The following MTR variants were observed in gnomAD, a reference collection of about 807,000 sequenced individuals.
MTR encodes the protein methionine synthase.
A neutral mutation model predicts 154.8 loss-of-function variants in MTR; 84 were observed. That is an observed-to-expected ratio of 0.54 (90% CI 0.45 to 0.65). The LOEUF (loss-of-function observed/expected upper bound fraction) is 0.65. Ranked by LOEUF, MTR falls within the 30% of genes least tolerant of loss-of-function variation. MTR has a pLI of 0.00. For synonymous variants in MTR, 554 were observed against 553.9 expected, an observed-to-expected ratio of 1.00 and a Z score of 0.00; for missense variants, 1,275 against 1,570.2, an observed-to-expected ratio of 0.81 and a Z score of 3.18.
Position 236,900,502 on chromosome 1 carries a change from G to A in MTR, c.*2858G>A, listed in dbSNP as rs2147975439. On this transcript the variant is annotated 3_prime_UTR_variant, in exon 33 of 33. Transcript: ENST00000366577. Reference sequence around the variant, plus strand: ...AAGGGACAGGAGCACATAGGTAGATGCCAAGTTATGCAGCTGTTCTGGTTC... The same window carrying A: ...AAGGGACAGGAGCACATAGGTAGATACCAAGTTATGCAGCTGTTCTGGTTC... The A allele has an allele frequency of 2.6e-5, 4 of 154,596 alleles. No individual in the cohort carries two copies. In the South Asian group the frequency reaches 7.9e-4, roughly 31 times the overall value. 9.6% of individuals were successfully genotyped at this position (154,596 alleles called of 1,614,324 possible). A position where few individuals can be genotyped will look rare whatever the true frequency, so the allele number is the denominator to read the frequency against.
intron 22 of MTR, among the ~76,000 whole-genome samples, chr1:236,864,986 T>C (rs1462719855): frequency 6.6e-5 from 10 of 152,252 alleles, no homozygotes; most frequent in Non-Finnish European, 1.5e-4. Context: ...TGAGGTATCA[T>C]TGTCATGTGC....
chr1:236,861,124 G>A lies in MTR; in HGVS notation c.2044-1G>A, dbSNP rs764980259. On this transcript the variant is annotated splice_acceptor_variant, in intron 19 of 32. Transcript: ENST00000366577. LOFTEE classifies it high-confidence loss of function. ...TTTTTTTTTTTTTTTGTCTTTTTTA[G>A]GGCATTGAAAAACATATTATTGAGG... 5 of 1,243,688 alleles carry A rather than the reference G, an allele frequency of 4.0e-6. No individual in the cohort carries two copies. The highest frequency in any genetic ancestry group is 4.2e-5 in the South Asian group (2 of 47,930). The allele number at this position is 1,243,688 out of a possible 1,614,324, so 77.0% of individuals were successfully genotyped here.
chr1:236,829,689 CTTG>C (rs906744101), intron 12 of MTR, among the ~76,000 whole-genome samples: 42 of 152,202 alleles, frequency 2.8e-4, no homozygotes, highest in African/African-American at 8.7e-4. Context: ...CTAAAATATT[CTTG>C]TTGTAATCTT....
chr1:236,895,264 G>A, intron 30 of MTR, 94 bp from the exon 31 acceptor site: 1 of 1,339,422 alleles, frequency 7.5e-7, no homozygotes, highest in African/African-American at 1.4e-5. Flanking sequence ...ATGAGGGAGG[G>A]TGTCCTCATG....
At chr1:236,843,418 G>T (rs1036089090) in intron 15 of MTR, among the ~76,000 whole-genome samples, 7 of 152,182 alleles carry the variant, frequency 4.6e-5, no homozygotes, top group African/African-American at 1.7e-4. Flanking sequence ...AAAGGTGGCA[G>T]ATCAAATCAC....
rs1662486942 is a variant in MTR at position 236,829,488 on chromosome 1, G to A, written c.1075+220G>A. On this transcript the variant is annotated intron_variant, in intron 12 of 32. Transcript: ENST00000366577. ...TAGGGTAAAAGTGAAGGAAGGCCCA[G>A]GTGATTTGCCCAGGTAGAGTCCTTG... 2.6e-5 allele frequency among the ~76,000 whole-genome samples: 4 copies of A among 152,332 alleles called. No individual in the cohort carries two copies. The South Asian group carries it at 8.3e-4, about 32-fold the overall frequency.
At chr1:236,817,754 C>T (rs1470095654) in intron 8 of MTR, among the ~76,000 whole-genome samples, 1 of 152,164 alleles carries the variant, frequency 6.6e-6, no homozygotes, top group African/African-American at 2.4e-5. Context: ...GTGCATCTTA[C>T]AGTTGACTTA....
At chr1:236,833,348 A>G (rs1194216053) in intron 13 of MTR, among the ~76,000 whole-genome samples, 1 of 152,250 alleles carries the variant, frequency 6.6e-6, no homozygotes, top group Non-Finnish European at 1.5e-5. Context: ...AATAATATCT[A>G]TCATTTAATA....
chr1:236,801,365 T>G (rs1485233612), intron 1 of MTR, among the ~76,000 whole-genome samples: 6 of 152,188 alleles, frequency 3.9e-5, no homozygotes, highest in African/African-American at 1.4e-4. Context: ...ATATTGGATA[T>G]TGCAAATTTT....
At chr1:236,878,143 C>T (rs1257597999) in intron 24 of MTR, among the ~76,000 whole-genome samples, 2 of 151,876 alleles carry the variant, frequency 1.3e-5, no homozygotes, top group Non-Finnish European at 2.9e-5. Context: ...CTTTTGCTAT[C>T]TTAGTGCTGT....
At chr1:236,897,311 C>CGCGCGCGCACACACACATAT (rs1553331090) in intron 32 of MTR, among the ~76,000 whole-genome samples, 193 bp downstream of exon 32, 1 of 103,302 alleles carries the variant, frequency 9.7e-6, no homozygotes, top group African/African-American at 5.7e-5. Context: ...CACACACACG[C>CGCGCGCGCACACACACATAT]ACACACACAC....
chr1:236,864,484 T>C (rs976038839), intron 22 of MTR, among the ~76,000 whole-genome samples: 4 of 152,212 alleles, frequency 2.6e-5, no homozygotes, highest in South Asian at 2.1e-4. Context: ...CATTTTTTTT[T>C]CCCTCTGACT....
intron 22 of MTR, among the ~76,000 whole-genome samples, chr1:236,868,465 A>G (rs938684129): frequency 4.6e-5 from 7 of 152,186 alleles, no homozygotes; most frequent in Admixed American, 3.9e-4. Flanking sequence ...AGTTGAACCT[A>G]TAGCATCTCT....
chr1:236,845,557 A>G (rs538454033), intron 15 of MTR, among the ~76,000 whole-genome samples: 3 of 152,338 alleles, frequency 2.0e-5, no homozygotes, highest in Non-Finnish European at 2.9e-5. Flanking sequence ...AATTATTCCA[A>G]CAAAAGAATT....
At chr1:236,838,338 A>G (rs1278874277) in intron 14 of MTR, 76 bp from the exon 15 acceptor site, 7 of 1,421,834 alleles carry the variant, frequency 4.9e-6, no homozygotes, top group Non-Finnish European at 6.9e-6. Flanking sequence ...GAAATAGGGA[A>G]TACTTTGGAG....
In MTR at chr1:236,803,607, A is replaced by G. The variant is rs1376723117; in HGVS notation, c.214A>G (p.Ile72Val). ...GAAAGGCAACAATGACATTTTAAGT[A>G]TAACTCAGCCTGATGTCATTTACCA... The part of the protein sequence containing the change: ...PLKGNNDILS[I>V]TQPDVIYQIH... Residue 72 changes from isoleucine to valine, a missense_variant, in exon 2 of 33, where the codon ATA becomes GTA. Ile to Val is a conservative substitution (Grantham distance 29). Transcript: ENST00000366577. The G allele has an allele frequency of 3.1e-6, 5 of 1,614,104 alleles. No homozygotes were observed. In the Admixed American group the frequency reaches 5.0e-5, roughly 16 times the overall value.
intron 12 of MTR, 118 bp downstream of exon 12, chr1:236,829,386 T>C: frequency 1.1e-6 from 1 of 877,342 alleles, no homozygotes; most frequent in Non-Finnish European, 1.9e-6. Flanking sequence ...GAAGAATCCA[T>C]ATATTCTTGG....
chr1:236,878,098 A>G lies in MTR; in HGVS notation c.2595-2657A>G, dbSNP rs561807381. Among the ~76,000 whole-genome samples the G allele has an allele frequency of 9.4e-5, 14 of 148,514 alleles. No individual in the cohort carries two copies. In the East Asian group the frequency reaches 2.6e-3, roughly 27 times the overall value. On this transcript the variant is annotated intron_variant, in intron 24 of 32. Coordinates refer to ENST00000366577, the MANE Select transcript of MTR (RefSeq NM_000254.3). ...TACAAGTCCTTTATCAGAAATACAT[A>G]TATTGCAAATAGATTTTTTTTCAAT...
intron 14 of MTR, among the ~76,000 whole-genome samples, chr1:236,837,837 A>G (rs767761312): frequency 1.8e-4 from 27 of 152,362 alleles, no homozygotes; most frequent in Non-Finnish European, 2.8e-4. Flanking sequence ...GAACAGAGGT[A>G]TGAATTAAAA....
Sources: gnomAD v4.1 joint callset for allele counts (sites outside exome capture counted in the v4.1 genomes callset) on GRCh38, gnomAD v4.1.1 for gene constraint, MANE v1.5 for transcripts, NCBI Gene and HGNC (gene_info 2026-07-23, HGNC 2026-07-21) for gene names.